UPP2: variants seen among roughly 807,000 people sequenced by gnomAD.
UPP2 encodes the protein uridine phosphorylase 2, also known as UPase 2.
A neutral mutation model predicts 26.7 loss-of-function variants in UPP2; 23 were observed. The observed-to-expected ratio is 0.86, with a 90% confidence interval of 0.62 to 1.22. UPP2 has a LOEUF of 1.22. Ranked by LOEUF, UPP2 falls within the 50% of genes most tolerant of loss-of-function variation. The probability of loss-of-function intolerance (pLI) is 0.00; values close to 1 mark genes in which losing one functional copy is unlikely to be tolerated. For missense variants in UPP2, 387 were observed against 396.7 expected (o/e 0.98, Z 0.21); for synonymous variants, 127 against 141.3 (o/e 0.90, Z 0.72).
intron 2 of UPP2, among the ~76,000 whole-genome samples, chr2:157,995,604 C>T (rs556287808): frequency 4.5e-4 from 68 of 151,866 alleles, no homozygotes; most frequent in Non-Finnish European, 6.3e-4. Flanking sequence ...ACCACTCTAA[C>T]GATCCCTTTA....
chr2:158,106,105 G>T lies in UPP2; in HGVS notation c.69G>T (p.Arg23Ser), dbSNP rs774641233. The change falls in exon 2 of 7, where the codon AGG becomes AGT. Residue 23 changes from arginine to serine, a missense_variant. Coordinates refer to ENST00000005756, the MANE Select transcript of UPP2 (RefSeq NM_173355.4). ...GTATAATTTTTTTTTCCAGAAAAAGGTTTGTTCACGTTAAAAATCCTTACT... is the reference window on the plus strand; with the variant it reads ...GTATAATTTTTTTTTCCAGAAAAAGTTTTGTTCACGTTAAAAATCCTTACT... ...RSDRNTYVGK[R>S]FVHVKNPYLD... is the part of the protein sequence containing the mutation. The T allele has an allele frequency of 1.6e-5, 26 of 1,585,310 alleles. No homozygotes were observed. Among genetic ancestry groups the T allele is most frequent in the East Asian group, 2.3e-5 (1 of 44,180 alleles).
intron 2 of UPP2, among the ~76,000 whole-genome samples, chr2:158,005,872 T>G (rs1683479787): frequency 6.6e-6 from 1 of 152,084 alleles, no homozygotes; most frequent in African/African-American, 2.4e-5. Flanking sequence ...ACAGGACTTC[T>G]AGGCATCCGC....
intron 3 of UPP2, among the ~76,000 whole-genome samples, chr2:158,028,268 A>G (rs1171270710): frequency 6.6e-6 from 1 of 152,136 alleles, no homozygotes; most frequent in African/African-American, 2.4e-5. Context: ...TCATCTCTTG[A>G]ATGCTTTGCT....
At position 158,070,684 on chromosome 2, in the gene UPP2, AC is replaced by A. The variant is rs202176478; in HGVS notation, c.148-31355del. ...ACAAAATTTTAACAACTAACTACAA[AC>A]AAAAATGCACTGTCATAAGAACCAA... is the stretch of plus-strand genomic sequence containing the variant. On this transcript the variant is annotated intron_variant, in intron 3 of 9. Transcript: ENST00000605860. 6.7e-3 allele frequency among the ~76,000 whole-genome samples: 1,021 copies of A among 152,344 alleles called. 6 individuals carry two copies. The highest frequency in any genetic ancestry group is 0.031 in the Middle Eastern group (9 of 294).
chr2:158,060,206 T>C (rs1373409210), intron 3 of UPP2, among the ~76,000 whole-genome samples: 2 of 152,054 alleles, frequency 1.3e-5, no homozygotes, highest in Non-Finnish European at 2.9e-5. Context: ...CTACTGAGTT[T>C]TATATCTGGA....
chr2:158,048,700 A>G (rs1265057296), intron 3 of UPP2, among the ~76,000 whole-genome samples: 1 of 152,230 alleles, frequency 6.6e-6, no homozygotes, highest in Non-Finnish European at 1.5e-5. Flanking sequence ...TCTCTCTTCT[A>G]AGTTAAACAA....
rs141707779 is a variant in UPP2 at position 158,062,136 on chromosome 2, G to A, written c.148-39904G>A. Among the ~76,000 whole-genome samples, 352 of 152,266 alleles carry A rather than the reference G, an allele frequency of 2.3e-3. 2 individuals are homozygous for A. Among genetic ancestry groups the A allele is most frequent in the Middle Eastern group, 0.01 (3 of 294 alleles). ...ACATATTTACTTGTAAGCCCTTTAC[G>A]GAAAAGTTTGCTGACTACTGCTGTC... On this transcript the variant is annotated intron_variant, in intron 3 of 9. Transcript: ENST00000605860.
intron 3 of UPP2, among the ~76,000 whole-genome samples, chr2:158,058,101 A>G (rs537000267): frequency 7.4e-4 from 113 of 151,950 alleles, no homozygotes; most frequent in East Asian, 2.5e-3. Context: ...AGACCATCCT[A>G]GCTAACACGA....
At chr2:158,051,040 T>C (rs566429529) in intron 3 of UPP2, among the ~76,000 whole-genome samples, 1 of 152,146 alleles carries the variant, frequency 6.6e-6, no homozygotes, top group South Asian at 2.1e-4. Context: ...CAGAAATATA[T>C]ATACATGTAC....
intron 3 of UPP2, among the ~76,000 whole-genome samples, chr2:158,084,488 T>A (rs1682781358): frequency 2.0e-5 from 3 of 152,200 alleles, no homozygotes; most frequent in Admixed American, 2.0e-4. Flanking sequence ...GCAGAAGCTT[T>A]TTCATTTAAT....
At chr2:158,026,680 C>T (rs1683837719) in intron 3 of UPP2, among the ~76,000 whole-genome samples, 1 of 152,188 alleles carries the variant, frequency 6.6e-6, no homozygotes, top group South Asian at 2.1e-4. Flanking sequence ...AACCTGCTGA[C>T]TGCCATGAGA....
chr2:158,025,626 G>T (rs1347939193), intron 3 of UPP2, among the ~76,000 whole-genome samples: 3 of 152,232 alleles, frequency 2.0e-5, no homozygotes, highest in African/African-American at 7.2e-5. Flanking sequence ...TTATGGTGAG[G>T]CCACGGTCAC....
intron 6 of UPP2, among the ~76,000 whole-genome samples, chr2:158,131,987 G>A (rs1683828639): frequency 6.6e-6 from 1 of 152,142 alleles, no homozygotes; most frequent in Non-Finnish European, 1.5e-5. Context: ...AAAAAGTATA[G>A]AGCACTGGTT....
At chr2:158,124,669 G>T (rs1023268699) in intron 6 of UPP2, among the ~76,000 whole-genome samples, 2 of 152,198 alleles carry the variant, frequency 1.3e-5, no homozygotes, top group Non-Finnish European at 2.9e-5. Flanking sequence ...TAGCAGCGCA[G>T]GTAGTGAGAA....
At chr2:158,020,867 A>G (rs1683739354) in intron 3 of UPP2, among the ~76,000 whole-genome samples, 1 of 152,252 alleles carries the variant, frequency 6.6e-6, no homozygotes, top group Non-Finnish European at 1.5e-5. Flanking sequence ...AATTTTTGAT[A>G]GAGACATAAT....
intron 6 of UPP2, among the ~76,000 whole-genome samples, chr2:158,129,712 G>GT (rs954322418): frequency 9.2e-6 from 1 of 108,658 alleles, no homozygotes; most frequent in African/African-American, 2.9e-5. Context: ...TTAAACAGAG[G>GT]TAAAAAAAAA....
chr2:158,122,924 G>A (rs915844521), intron 5 of UPP2, among the ~76,000 whole-genome samples: 18 of 152,140 alleles, frequency 1.2e-4, no homozygotes, highest in African/African-American at 3.9e-4. Context: ...GAAGCAGACT[G>A]CCAGGGGTGA....
At chr2:158,129,487 G>T (rs183566522) in intron 6 of UPP2, among the ~76,000 whole-genome samples, 1 of 152,132 alleles carries the variant, frequency 6.6e-6, no homozygotes, top group Admixed American at 6.5e-5. Flanking sequence ...ATGAAATGAG[G>T]TCTAGAGAGT....
chr2:158,000,915 G>A lies in UPP2; in HGVS notation c.61+5656G>A, dbSNP rs77859546. Among the ~76,000 whole-genome samples the A allele has an allele frequency of 4.9e-3, 753 of 152,304 alleles. 9 individuals carry two copies. The highest frequency in any genetic ancestry group is 0.017 in the African/African-American group (705 of 41,558). On this transcript the variant is annotated intron_variant, in intron 2 of 9. Transcript: ENST00000605860. ...GGATAAAAAATTCTAAAATATGACC[G>A]GGTATTTATTAGGTACTTGGCTTAT...
Sources: allele counts gnomAD v4.1 joint callset (sites outside exome capture counted in the v4.1 genomes callset), GRCh38; gene constraint gnomAD v4.1.1; transcripts MANE v1.5; gene names NCBI Gene and HGNC (gene_info 2026-07-23, HGNC 2026-07-21).